Variants in KLF8 observed in about 807,000 individuals in gnomAD.
The protein encoded by KLF8 is KLF transcription factor 8, also known as Krueppel-like factor 8.
Under a neutral mutation model 18.2 loss-of-function variants are expected in KLF8, and 10 were observed. The ratio of observed to expected loss-of-function variants is 0.55; its 90% CI spans 0.34 to 0.93. The LOEUF (loss-of-function observed/expected upper bound fraction) is 0.93. Ranked by LOEUF, KLF8 falls within the 40% of genes least tolerant of loss-of-function variation. The probability of loss-of-function intolerance (pLI) is 0.02; values close to 1 mark genes in which losing one functional copy is unlikely to be tolerated. For missense variants in KLF8, 264 were observed against 277.9 expected (o/e 0.95, Z 0.36); for synonymous variants, 109 against 97.3 (o/e 1.12, Z -0.71).
At chrX:56,176,230 G>T in the KLF8 span, among the ~76,000 whole-genome samples, 1 of 112,028 alleles carries the variant, frequency 8.9e-6, no homozygotes, top group Non-Finnish European at 1.9e-5. Context: ...TGTTTTTGCA[G>T]TGGCTGGTAC....
At chrX:56,179,468 T>C in the KLF8 span, among the ~76,000 whole-genome samples, 6 of 112,366 alleles carry the variant, frequency 5.3e-5, no homozygotes, top group East Asian at 2.8e-4. Context: ...CTTTTCCTAA[T>C]TGAATACCTT....
chrX:56,284,206 C>T, intron 5 of KLF8, 107 bp from the exon 6 acceptor site: 2 of 612,179 alleles, frequency 3.3e-6, no homozygotes, highest in Admixed American at 4.7e-5. Flanking sequence ...AGGTTATTGC[C>T]TAGCCTTTTC....
chrX:56,067,835 C>T, the KLF8 span, among the ~76,000 whole-genome samples: 2 of 112,260 alleles, frequency 1.8e-5, no homozygotes, highest in Non-Finnish European at 3.8e-5. Context: ...GCCTTGGGCC[C>T]TAGAAAACAC....
At chrX:56,055,364 T>A in the KLF8 span, among the ~76,000 whole-genome samples, 1 of 112,045 alleles carries the variant, frequency 8.9e-6, no homozygotes, top group African/African-American at 3.2e-5. Context: ...TGAAATTCTG[T>A]GTTGGAGTTT....
chrX:55,973,361 TA>T, the KLF8 span, among the ~76,000 whole-genome samples: 1 of 111,947 alleles, frequency 8.9e-6, no homozygotes, highest in African/African-American at 3.2e-5. Context: ...AAGTGGGAAG[TA>T]ATTAAATTAA....
chrX:55,995,310 A>C, the KLF8 span, among the ~76,000 whole-genome samples: 2 of 112,362 alleles, frequency 1.8e-5, no homozygotes, highest in Admixed American at 1.9e-4. Flanking sequence ...CCTTGATTAT[A>C]GCATGCACTT....
At chrX:56,058,283 T>TATACACATATATATACATATATATAC in the KLF8 span, among the ~76,000 whole-genome samples, 548 of 32,254 alleles carry the variant, frequency 0.017, 2 homozygotes, top group Middle Eastern at 0.028. Flanking sequence ...TATATACATA[T>TATACACATATATATACATATATATAC]ATATATATAT....
chrX:55,994,534 C>G, the KLF8 span, among the ~76,000 whole-genome samples: 1 of 103,587 alleles, frequency 9.7e-6, no homozygotes, highest in Non-Finnish European at 2.0e-5. Flanking sequence ...TGAGATTTTT[C>G]TAACTTTTGG....
At chrX:56,027,889 C>G in the KLF8 span, among the ~76,000 whole-genome samples, 1 of 112,583 alleles carries the variant, frequency 8.9e-6, no homozygotes, top group Non-Finnish European at 1.9e-5. Context: ...GTTAATCTAG[C>G]ATTTGTTAGC....
chrX:56,034,748 C>CTTTTTTTTTTTTT, the KLF8 span, among the ~76,000 whole-genome samples: 1 of 53,819 alleles, frequency 1.9e-5, no homozygotes, highest in African/African-American at 7.3e-5. Flanking sequence ...GAACTTATTT[C>CTTTTTTTTTTTTT]TTTTTTTTTT....
At chrX:55,966,234 C>G in the KLF8 span, among the ~76,000 whole-genome samples, 1 of 112,621 alleles carries the variant, frequency 8.9e-6, no homozygotes, top group Non-Finnish European at 1.9e-5. Flanking sequence ...TCACCATCTG[C>G]TAATTGTGGA....
the KLF8 span, among the ~76,000 whole-genome samples, chrX:56,012,665 G>C: frequency 9.0e-6 from 1 of 111,151 alleles, no homozygotes; most frequent in Admixed American, 9.6e-5. Context: ...GTCTCTATTT[G>C]CAGGTGATGT....
the KLF8 span, among the ~76,000 whole-genome samples, chrX:55,981,378 A>G: frequency 1.5e-4 from 17 of 111,858 alleles, no homozygotes; most frequent in Non-Finnish European, 2.8e-4. Context: ...AGCAGTGTAT[A>G]CATATTCACA....
chrX:56,050,473 G>T, the KLF8 span, among the ~76,000 whole-genome samples: 1 of 111,836 alleles, frequency 8.9e-6, no homozygotes. Context: ...TTGTGTCTTT[G>T]TTCTCATTGG....
chrX:56,207,984 G>A, the KLF8 span, among the ~76,000 whole-genome samples: 2 of 111,008 alleles, frequency 1.8e-5, no homozygotes, highest in African/African-American at 3.3e-5. Flanking sequence ...GTCTTACATC[G>A]TGGTAGGCAA....
chrX:55,939,752 A>T, the KLF8 span, among the ~76,000 whole-genome samples: 1 of 112,035 alleles, frequency 8.9e-6, no homozygotes, highest in Non-Finnish European at 1.9e-5. Flanking sequence ...AAACACCTCC[A>T]CGCAAATAAA....
the KLF8 span, among the ~76,000 whole-genome samples, chrX:56,058,100 A>C: frequency 1.0e-5 from 1 of 98,869 alleles, no homozygotes; most frequent in Non-Finnish European, 2.0e-5. Context: ...CTGATGATAC[A>C]TTAGGAGTGT....
the KLF8 span, among the ~76,000 whole-genome samples, chrX:56,198,560 T>G: frequency 8.9e-6 from 1 of 111,778 alleles, no homozygotes; most frequent in Non-Finnish European, 1.9e-5. Flanking sequence ...CAAAGAGAAC[T>G]ACAAACCAAT....
the KLF8 span, among the ~76,000 whole-genome samples, chrX:56,047,709 A>G: frequency 3.6e-5 from 4 of 111,412 alleles, no homozygotes; most frequent in Admixed American, 9.6e-5. Context: ...TATTGTGAAT[A>G]GTGCCGCAGT....
Sources: gnomAD v4.1 joint callset for allele counts (sites outside exome capture counted in the v4.1 genomes callset) on GRCh38, gnomAD v4.1.1 for gene constraint, MANE v1.5 for transcripts, NCBI Gene and HGNC (gene_info 2026-07-23, HGNC 2026-07-21) for gene names.